Variants in MCTP1 observed in about 807,000 individuals in gnomAD.
MCTP1 encodes multiple C2 and transmembrane domain-containing protein 1.
In MCTP1, 69 loss-of-function variants were observed where a neutral mutation model predicts 120.6. The ratio of observed to expected loss-of-function variants is 0.57; its 90% CI spans 0.47 to 0.70. The LOEUF is 0.70. Among genes scored for constraint, MCTP1 ranks in the 30% least tolerant of loss-of-function variants. The pLI, the probability that MCTP1 is intolerant of heterozygous loss-of-function variation, is 0.00. For synonymous variants in MCTP1, 529 were observed against 493.1 expected (o/e 1.07, Z -0.96); for missense variants, 1,203 against 1,248.8 (o/e 0.96, Z 0.55).
intron 6 of MCTP1, among the ~76,000 whole-genome samples, chr5:94,929,141 C>A (rs1015117420): frequency 7.2e-5 from 11 of 152,128 alleles, no homozygotes; most frequent in African/African-American, 2.7e-4. Flanking sequence ...AAAAGAACAA[C>A]AACCGAGTCG....
chr5:95,131,172 A>G (rs369824836), intron 1 of MCTP1, among the ~76,000 whole-genome samples: 5 of 152,098 alleles, frequency 3.3e-5, no homozygotes, highest in African/African-American at 9.7e-5. Context: ...CCAGATCTCA[A>G]TGTTGTCAGA....
chr5:95,270,900 A>G (rs546651272), intron 1 of MCTP1, among the ~76,000 whole-genome samples: 37 of 147,754 alleles, frequency 2.5e-4, no homozygotes, highest in Admixed American at 2.1e-3. Context: ...ACTGCACTCT[A>G]GCCTGGGCGA....
chr5:94,778,962 C>T, intron 19 of MCTP1, 148 bp downstream of exon 19: 2 of 667,924 alleles, frequency 3.0e-6, no homozygotes, highest in Middle Eastern at 5.0e-4. Flanking sequence ...CTCTTTGCAA[C>T]ACGCAGTGGC....
intron 2 of MCTP1, among the ~76,000 whole-genome samples, chr5:95,004,970 G>A (rs558578775): frequency 2.8e-4 from 43 of 152,296 alleles, no homozygotes; most frequent in Admixed American, 1.2e-3. Flanking sequence ...TGGAAAAGCC[G>A]CAGGCACTCA....
At chr5:95,219,726 C>A (rs1251063690) in intron 1 of MCTP1, among the ~76,000 whole-genome samples, 1 of 152,148 alleles carries the variant, frequency 6.6e-6, no homozygotes, top group East Asian at 1.9e-4. Context: ...AACTTAAATG[C>A]AAATGCAAAA....
intron 17 of MCTP1, among the ~76,000 whole-genome samples, chr5:94,862,208 AT>A (rs200355038): frequency 0.011 from 1,615 of 151,936 alleles, 17 homozygotes; most frequent in African/African-American, 0.026. Flanking sequence ...AAGAGCAGCG[AT>A]CATAGGAAAC....
intron 2 of MCTP1, among the ~76,000 whole-genome samples, chr5:94,997,066 A>AT (rs1393829851): frequency 2.6e-5 from 4 of 152,110 alleles, no homozygotes; most frequent in Non-Finnish European, 5.9e-5. Context: ...AGAGCAGTTT[A>AT]TTTTTTATGC....
chr5:95,153,018 G>T (rs1443246302), intron 1 of MCTP1, among the ~76,000 whole-genome samples: 1 of 152,128 alleles, frequency 6.6e-6, no homozygotes, highest in Non-Finnish European at 1.5e-5. Context: ...AGAAAACATA[G>T]TCAGTCTCCT....
At chr5:94,772,986 G>T (rs572440574) in intron 19 of MCTP1, among the ~76,000 whole-genome samples, 1 of 152,138 alleles carries the variant, frequency 6.6e-6, no homozygotes, top group African/African-American at 2.4e-5. Flanking sequence ...TTATTTCTTG[G>T]GTACCCTCCA....
intron 19 of MCTP1, among the ~76,000 whole-genome samples, chr5:94,771,558 C>G (rs1044306793): frequency 6.6e-6 from 1 of 152,094 alleles, no homozygotes; most frequent in Non-Finnish European, 1.5e-5. Context: ...TTTGAACAAG[C>G]TTTTCCAAAA....
At chr5:95,102,261 A>G (rs1028222755) in intron 1 of MCTP1, among the ~76,000 whole-genome samples, 2 of 152,154 alleles carry the variant, frequency 1.3e-5, no homozygotes, top group Non-Finnish European at 2.9e-5. Context: ...ATGGTAAGCC[A>G]CTTCAATCAG....
At chr5:94,804,690 G>A (rs890278715) in intron 17 of MCTP1, among the ~76,000 whole-genome samples, 9 of 152,060 alleles carry the variant, frequency 5.9e-5, no homozygotes, top group East Asian at 1.9e-4. Flanking sequence ...TGCCCGCCTC[G>A]GCCTCCCAAA....
chr5:94,916,480 A>G (rs1158430071), intron 8 of MCTP1, among the ~76,000 whole-genome samples: 5 of 152,118 alleles, frequency 3.3e-5, no homozygotes, highest in Non-Finnish European at 5.9e-5. Context: ...AAAGAAGTAC[A>G]CTCCATAAAC....
chr5:94,819,474 T>C (rs2153096774), intron 17 of MCTP1, among the ~76,000 whole-genome samples: 1 of 152,224 alleles, frequency 6.6e-6, no homozygotes, highest in East Asian at 1.9e-4. Context: ...TTGGCTTCCC[T>C]TAGCACTCTT....
At chr5:95,004,632 C>G (rs967184038) in intron 2 of MCTP1, among the ~76,000 whole-genome samples, 2 of 152,228 alleles carry the variant, frequency 1.3e-5, no homozygotes, top group African/African-American at 4.8e-5. Flanking sequence ...AGATATGTCT[C>G]AGGCTGCTGC....
intron 6 of MCTP1, among the ~76,000 whole-genome samples, chr5:94,930,060 A>G (rs1443938843): frequency 6.6e-6 from 1 of 152,102 alleles, no homozygotes; most frequent in East Asian, 1.9e-4. Flanking sequence ...AGCTTGAAAA[A>G]TGCATCCGTT....
intron 17 of MCTP1, among the ~76,000 whole-genome samples, chr5:94,803,317 A>T (rs1039919467): frequency 1.3e-5 from 2 of 152,184 alleles, no homozygotes; most frequent in African/African-American, 4.8e-5. Context: ...ATTATCCTGC[A>T]TGTTAGAAGC....
At chr5:94,722,350 A>C (rs541074961) in intron 19 of MCTP1, among the ~76,000 whole-genome samples, 143 of 152,304 alleles carry the variant, frequency 9.4e-4, no homozygotes, top group Non-Finnish European at 1.4e-3. Flanking sequence ...GTCCTAGCTT[A>C]GTCATTAATA....
At chr5:95,128,792 G>A (rs776801694) in intron 1 of MCTP1, among the ~76,000 whole-genome samples, 1 of 152,164 alleles carries the variant, frequency 6.6e-6, no homozygotes, top group Non-Finnish European at 1.5e-5. Context: ...TATACTAAAA[G>A]GCAAGAATTA....
Sources: allele counts gnomAD v4.1 joint callset (sites outside exome capture counted in the v4.1 genomes callset), GRCh38; gene constraint gnomAD v4.1.1; transcripts MANE v1.5; gene names NCBI Gene and HGNC (gene_info 2026-07-23, HGNC 2026-07-21).